Variants in LINC00305 observed in about 807,000 individuals in gnomAD.
LINC00305 encodes long independently transcribed non-coding RNA 305.
At chr18:64,109,059 C>T (rs2051304109) in intron 1 of LINC00305, among the ~76,000 whole-genome samples, 1 of 152,206 alleles carries the variant, frequency 6.6e-6, no homozygotes, top group Non-Finnish European at 1.5e-5. Flanking sequence ...TGAAAAATCA[C>T]TGCTGTAGAT....
chr18:64,088,035 A>C lies in LINC00305; in HGVS notation n.541-7633T>G, dbSNP rs528574425. On this transcript the variant is annotated intron_variant and non_coding_transcript_variant, in intron 3 of 3. Transcript: ENST00000666468. ...CTACCTGGGAGGCTGAGGTGAGAGA[A>C]TGGTGTAAACCCGGGAGGCGGAGCT... 8.3e-3 allele frequency among the ~76,000 whole-genome samples: 1,269 copies of C among 152,248 alleles called. 9 individuals carry two copies. Among genetic ancestry groups the C allele is most frequent in the Non-Finnish European group, 0.012 (830 of 67,996 alleles).
At chr18:64,084,809 T>C (rs2051197188) in intron 3 of LINC00305, among the ~76,000 whole-genome samples, 1 of 152,240 alleles carries the variant, frequency 6.6e-6, no homozygotes, top group Non-Finnish European at 1.5e-5. Flanking sequence ...CAGCCCCATA[T>C]ATCTTTCATC....
intron 3 of LINC00305, among the ~76,000 whole-genome samples, chr18:64,080,594 C>G (rs920149307): frequency 1.3e-5 from 2 of 152,058 alleles, no homozygotes; most frequent in Non-Finnish European, 2.9e-5. Context: ...AGGATTTTAT[C>G]ATAGAATTAG....
chr18:64,100,879 C>T (rs531777444), intron 1 of LINC00305, among the ~76,000 whole-genome samples: 14 of 152,090 alleles, frequency 9.2e-5, no homozygotes, highest in Admixed American at 2.0e-4. Flanking sequence ...AGTGTCATGA[C>T]TCTTCTGTTT....
intron 1 of LINC00305, among the ~76,000 whole-genome samples, chr18:64,113,913 C>T (rs755973510): frequency 1.3e-5 from 2 of 152,092 alleles, no homozygotes; most frequent in African/African-American, 2.4e-5. Context: ...CTGGTATATT[C>T]ACAAATAATT....
At chr18:64,092,244 C>T (rs1034261020) in intron 3 of LINC00305, among the ~76,000 whole-genome samples, 2 of 152,160 alleles carry the variant, frequency 1.3e-5, no homozygotes, top group Non-Finnish European at 2.9e-5. Flanking sequence ...CTTTTTCTCC[C>T]GCATATTGTT....
intron 1 of LINC00305, among the ~76,000 whole-genome samples, chr18:64,131,822 T>G (rs957811812): frequency 6.6e-6 from 1 of 152,200 alleles, no homozygotes; most frequent in Non-Finnish European, 1.5e-5. Flanking sequence ...GAAGGCAATG[T>G]GCTATGTGAA....
intron 1 of LINC00305, among the ~76,000 whole-genome samples, chr18:64,147,678 T>A (rs887657953): frequency 1.3e-5 from 2 of 152,160 alleles, no homozygotes; most frequent in Non-Finnish European, 2.9e-5. Context: ...AGTATTTTAG[T>A]TGTTCTCGCC....
At chr18:64,087,996 G>C (rs1039999646) in intron 3 of LINC00305, among the ~76,000 whole-genome samples, 3 of 152,200 alleles carry the variant, frequency 2.0e-5, no homozygotes, top group African/African-American at 7.2e-5. Context: ...GGTGGCGGGC[G>C]CCTGTAGTCC....
intron 3 of LINC00305, among the ~76,000 whole-genome samples, chr18:64,092,855 A>T (rs1377078110): frequency 6.6e-6 from 1 of 152,214 alleles, no homozygotes; most frequent in Non-Finnish European, 1.5e-5. Context: ...TTAAGGATGT[A>T]CTTGGGGTGA....
intron 1 of LINC00305, among the ~76,000 whole-genome samples, chr18:64,101,692 AG>A (rs1699526972): frequency 6.6e-6 from 1 of 152,176 alleles, no homozygotes. Context: ...GTGGGTGGAA[AG>A]CTTCTTCTGG....
At chr18:64,088,790 TCAG>T (rs2051213877) in intron 3 of LINC00305, among the ~76,000 whole-genome samples, 1 of 152,140 alleles carries the variant, frequency 6.6e-6, no homozygotes, top group South Asian at 2.1e-4. Flanking sequence ...GAAGACCTCA[TCAG>T]GAGAACAGAG....
chr18:64,132,724 G>A (rs924065544), intron 1 of LINC00305, among the ~76,000 whole-genome samples: 3 of 152,154 alleles, frequency 2.0e-5, no homozygotes, highest in Admixed American at 2.0e-4. Context: ...CTCTGGAGCT[G>A]GGAAGAGCAG....
rs553189899 is a variant in LINC00305, at chr18:64,128,963, G to A, written n.314+19812C>T. 1.6e-3 allele frequency among the ~76,000 whole-genome samples: 237 copies of A among 152,152 alleles called. 1 individual carries two copies. The highest frequency in any genetic ancestry group is 5.3e-3 in the African/African-American group (221 of 41,518). Reference sequence around the variant, plus strand: ...AACCTGAGTGGGCTGTCTTTTACACGGGATCAATTGTAAAAATACTTTTTT... The same window carrying A: ...AACCTGAGTGGGCTGTCTTTTACACAGGATCAATTGTAAAAATACTTTTTT... On this transcript the variant is annotated intron_variant and non_coding_transcript_variant, in intron 1 of 3. Transcript: ENST00000666468.
chr18:64,122,886 T>C (rs2051368394), intron 1 of LINC00305, among the ~76,000 whole-genome samples: 1 of 152,152 alleles, frequency 6.6e-6, no homozygotes, highest in Non-Finnish European at 1.5e-5. Flanking sequence ...TTTCTATTTT[T>C]CCTTGTAGAA....
chr18:64,094,746 C>A (rs149855519), intron 3 of LINC00305, among the ~76,000 whole-genome samples: 4,096 of 152,074 alleles, frequency 0.027, 163 homozygotes, highest in African/African-American at 0.094. Context: ...GCCTGTAATC[C>A]CAGCTACTTG....
Position 64,125,916 on chromosome 18 carries a change from A to G in LINC00305, n.314+22859T>C, listed in dbSNP as rs566684657. On this transcript the variant is annotated intron_variant and non_coding_transcript_variant, in intron 1 of 3. Transcript: ENST00000666468. ...CTGTCTCACTCTCTTTTGTCCCTCT[A>G]CTGTGAGATCACACAGAAAGAAAAT... Among the ~76,000 whole-genome samples, 14 of 152,080 alleles carry G rather than the reference A, an allele frequency of 9.2e-5. No individual in the cohort carries two copies. In the East Asian group the frequency reaches 9.7e-4, roughly 11 times the overall value.
chr18:64,099,018 A>T (rs1408727545), intron 1 of LINC00305, among the ~76,000 whole-genome samples: 3 of 152,156 alleles, frequency 2.0e-5, no homozygotes, highest in East Asian at 1.9e-4. Context: ...AGCAGAGAGG[A>T]TATAGAGGGA....
intron 1 of LINC00305, among the ~76,000 whole-genome samples, chr18:64,110,367 T>C (rs1262301596): frequency 1.3e-5 from 2 of 152,208 alleles, no homozygotes; most frequent in South Asian, 2.1e-4. Flanking sequence ...AAGCTGGTAT[T>C]GCACATTCAG....
Sources: gnomAD v4.1 joint callset for allele counts (sites outside exome capture counted in the v4.1 genomes callset) on GRCh38, gnomAD v4.1.1 for gene constraint, MANE v1.5 for transcripts, NCBI Gene and HGNC (gene_info 2026-07-23, HGNC 2026-07-21) for gene names.